ARID5B: variants seen among roughly 807,000 people sequenced by gnomAD.
ARID5B encodes AT-rich interactive domain-containing protein 5B.
In ARID5B, 13 loss-of-function variants were observed where a neutral mutation model predicts 97.2. The observed-to-expected ratio is 0.13, with a 90% confidence interval of 0.09 to 0.21. ARID5B has a LOEUF of 0.21. Ranked by LOEUF, ARID5B falls within the 10% of genes least tolerant of loss-of-function variation. The probability of loss-of-function intolerance (pLI) is 1.00; values close to 1 mark genes in which losing one functional copy is unlikely to be tolerated. For synonymous variants in ARID5B, 556 were observed against 570.3 expected (o/e 0.97, Z 0.36); for missense variants, 1,210 against 1,465.3 (o/e 0.83, Z 2.84).
chr10:62,022,062 C>G (rs183475927), intron 4 of ARID5B, among the ~76,000 whole-genome samples: 39 of 152,300 alleles, frequency 2.6e-4, no homozygotes, highest in Non-Finnish European at 5.0e-4. Context: ...GGCACTGTCC[C>G]CCTGTCCCAT....
chr10:61,989,621 A>G (rs1838894578), intron 3 of ARID5B, among the ~76,000 whole-genome samples: 1 of 152,242 alleles, frequency 6.6e-6, no homozygotes, highest in Non-Finnish European at 1.5e-5. Context: ...GTTCTAAAAT[A>G]AATTATCTAA....
At chr10:61,918,527 A>G (rs1385955909) in intron 2 of ARID5B, among the ~76,000 whole-genome samples, 1 of 152,178 alleles carries the variant, frequency 6.6e-6, no homozygotes, top group African/African-American at 2.4e-5. Context: ...CTTAATAACT[A>G]ATTTATGGGT....
chr10:62,028,518 C>T (rs896241310), intron 4 of ARID5B, among the ~76,000 whole-genome samples: 2 of 152,176 alleles, frequency 1.3e-5, no homozygotes, highest in African/African-American at 4.8e-5. Context: ...AGTCTGCACT[C>T]ATTGTCACTC....
At chr10:62,049,452 T>C (rs1839756196) in intron 4 of ARID5B, 2 of 1,550,518 alleles carry the variant, frequency 1.3e-6, no homozygotes, top group Admixed American at 3.9e-5. Context: ...AGCACAGGCA[T>C]CAGTCAGGCA....
chr10:61,923,202 G>T (rs7475761), intron 2 of ARID5B, among the ~76,000 whole-genome samples: 1 of 152,056 alleles, frequency 6.6e-6, no homozygotes, highest in African/African-American at 2.4e-5. Flanking sequence ...GTGGCTTCAC[G>T]TGTGCTGTTC....
chr10:62,049,490 G>C (rs754949800), intron 4 of ARID5B: 1 of 1,550,406 alleles, frequency 6.4e-7, no homozygotes. Context: ...ATGGGTAATC[G>C]CTACTTTCTC....
At position 62,091,492 on chromosome 10, in the gene ARID5B, C is replaced by T; in HGVS notation, c.2029C>T (p.Leu677=). 1 of 1,613,388 alleles carries T rather than the reference C, an allele frequency of 6.2e-7. No individual in the cohort carries two copies. Among genetic ancestry groups the T allele is most frequent in the Non-Finnish European group, 8.5e-7 (1 of 1,179,704 alleles). The change falls in exon 10 of 10, where the codon CTG becomes TTG. Residue 677 remains leucine (L), a synonymous_variant. Coordinates refer to ENST00000279873, the MANE Select transcript of ARID5B (RefSeq NM_032199.3). ...NENHGLNYTP[L]LYSRGNPGIM... ...GAACCATGGACTTAATTACACGCCC[C>T]TGCTCTACTCTAGGGGCAACCCAGG...
At chr10:62,018,531 G>A (rs867272959) in intron 4 of ARID5B, among the ~76,000 whole-genome samples, 1 of 151,228 alleles carries the variant, frequency 6.6e-6, no homozygotes, top group Non-Finnish European at 1.5e-5. Flanking sequence ...GGGTGCCAGA[G>A]AGGTAAATAT....
intron 4 of ARID5B, among the ~76,000 whole-genome samples, chr10:62,032,980 A>G (rs954011108): frequency 2.0e-5 from 3 of 152,112 alleles, no homozygotes; most frequent in African/African-American, 7.2e-5. Context: ...AAAGCCTTCA[A>G]CCCTCTATGG....
intron 7 of ARID5B, among the ~76,000 whole-genome samples, chr10:62,061,270 C>T (rs1839918231): frequency 6.6e-6 from 1 of 152,154 alleles, no homozygotes; most frequent in Admixed American, 6.5e-5. Flanking sequence ...GGCTTGATGG[C>T]TCTGAGGCCA....
At chr10:61,924,145 C>T (rs1844062470) in intron 2 of ARID5B, among the ~76,000 whole-genome samples, 3 of 152,212 alleles carry the variant, frequency 2.0e-5, no homozygotes. Context: ...TTCAGCCCCA[C>T]CTTTAGAAAG....
chr10:62,006,315 A>C (rs1352878702), intron 4 of ARID5B, among the ~76,000 whole-genome samples: 1 of 152,004 alleles, frequency 6.6e-6, no homozygotes, highest in Non-Finnish European at 1.5e-5. Context: ...GGTGGCGAGC[A>C]CCTGTAGTCC....
At chr10:62,040,353 ATG>A (rs984233763) in intron 4 of ARID5B, among the ~76,000 whole-genome samples, 18 of 121,802 alleles carry the variant, frequency 1.5e-4, no homozygotes, top group Admixed American at 1.1e-3. Flanking sequence ...ATATATATAT[ATG>A]TGTGTAATGT....
Position 62,092,241 on chromosome 10 carries a change from T to C in ARID5B, c.2778T>C (p.His926=), listed in dbSNP as rs773607268. Residue 926 remains histidine, a synonymous_variant, in exon 10 of 10, where the codon CAT becomes CAC. Transcript: ENST00000279873. ...CCGGCAAGGTCCTGGGCCTGGCTCA[T>C]TCCACCACAGGGCCCCAGGAGAGCA... ...KPTGKVLGLA[H]STTGPQESKG... 1.9e-6 allele frequency: 3 copies of C among 1,609,716 alleles called. No homozygotes were observed. The South Asian group carries it at 3.3e-5, about 18-fold the overall frequency.
chr10:62,086,472 CG>C (rs1840281631), intron 9 of ARID5B, among the ~76,000 whole-genome samples: 1 of 151,850 alleles, frequency 6.6e-6, no homozygotes, highest in African/African-American at 2.4e-5. Context: ...GAGGCTGAGG[CG>C]GGCGGATCAC....
chr10:62,088,858 A>G lies in ARID5B; in HGVS notation c.1399-2004A>G, dbSNP rs188503207. 2.5e-4 allele frequency among the ~76,000 whole-genome samples: 38 copies of G among 152,344 alleles called. No homozygotes were observed. The East Asian group carries it at 6.4e-3, about 26-fold the overall frequency. On this transcript the variant is annotated intron_variant, in intron 9 of 9. Transcript: ENST00000279873. ...GAAATTCCCTCTAGTTGAATCCACT[A>G]TATTCAAGTAATGGGATTGCAAGTT... is the stretch of plus-strand genomic sequence containing the variant.
intron 4 of ARID5B, among the ~76,000 whole-genome samples, chr10:62,043,556 T>C (rs1839667995): frequency 6.6e-6 from 1 of 152,236 alleles, no homozygotes; most frequent in South Asian, 2.1e-4. Flanking sequence ...TGTGTTTTAA[T>C]GGCAAGAATG....
At chr10:62,060,475 C>T (rs1839908140) in intron 7 of ARID5B, among the ~76,000 whole-genome samples, 1 of 152,126 alleles carries the variant, frequency 6.6e-6, no homozygotes, top group Admixed American at 6.5e-5. Context: ...ATAAAATGTG[C>T]ATTTCATATT....
intron 3 of ARID5B, among the ~76,000 whole-genome samples, chr10:61,966,447 A>T (rs557881444): frequency 6.6e-6 from 1 of 152,198 alleles, no homozygotes; most frequent in East Asian, 1.9e-4. Flanking sequence ...ATTCAATCTA[A>T]TTTTATTTGC....
Sources: gnomAD v4.1 joint callset for allele counts (sites outside exome capture counted in the v4.1 genomes callset) on GRCh38, gnomAD v4.1.1 for gene constraint, MANE v1.5 for transcripts, NCBI Gene and HGNC (gene_info 2026-07-23, HGNC 2026-07-21) for gene names.